DCHS2: variants seen among roughly 807,000 people sequenced by gnomAD.
The protein encoded by DCHS2 is protocadherin-23.
Under a neutral mutation model 182.4 loss-of-function variants are expected in DCHS2, and 142 were observed. That is an observed-to-expected ratio of 0.78 (90% CI 0.68 to 0.89). The LOEUF is 0.89. DCHS2 is among the 40% of genes least tolerant of loss of function. The pLI is 0.00. For missense variants in DCHS2, 4,319 were observed against 4,198.6 expected, an observed-to-expected ratio of 1.03 and a Z score of -0.79; for synonymous variants, 1,740 against 1,663.3, an observed-to-expected ratio of 1.05 and a Z score of -1.12.
At chr4:154,337,618 A>G (rs1196595107) in intron 3 of DCHS2, among the ~76,000 whole-genome samples, 1 of 152,176 alleles carries the variant, frequency 6.6e-6, no homozygotes, top group African/African-American at 2.4e-5. Flanking sequence ...CTCTAGGCAA[A>G]GTGAACAGCT....
chr4:154,264,934 T>C (rs181616448), intron 14 of DCHS2, among the ~76,000 whole-genome samples: 68 of 152,282 alleles, frequency 4.5e-4, no homozygotes, highest in Non-Finnish European at 7.8e-4. Context: ...TAAATTGATA[T>C]AGGAGCACTT....
At chr4:154,242,611 C>A in intron 17 of DCHS2, 31 bp downstream of exon 17, 3 of 1,600,694 alleles carry the variant, frequency 1.9e-6, no homozygotes, top group Non-Finnish European at 2.6e-6. Flanking sequence ...ACAAGTTAAT[C>A]AAAACCACTA....
intron 1 of DCHS2, among the ~76,000 whole-genome samples, chr4:154,437,302 C>T (rs931920259): frequency 2.0e-5 from 3 of 152,136 alleles, no homozygotes; most frequent in Admixed American, 6.5e-5. Context: ...CATCAATAAA[C>T]GTCCAAAACT....
intron 1 of DCHS2, among the ~76,000 whole-genome samples, chr4:154,482,029 C>CTTTCAATGAAA (rs1735940978): frequency 1.3e-5 from 2 of 152,136 alleles, no homozygotes; most frequent in Non-Finnish European, 2.9e-5. Context: ...AGGTAACAGC[C>CTTTCAATGAAA]TGGGCTGTTT....
chr4:154,234,760 C>T lies in DCHS2; in HGVS notation c.9892G>A (p.Ala3298Thr). The change falls in exon 20 of 20, where the codon GCA (alanine) becomes ACA (threonine). Residue 3298 changes from alanine to threonine, a missense_variant. By Grantham distance (58) the Ala-to-Thr change is moderately conservative. Transcript: ENST00000357232. ...GIKAVPPRMP[A>T]VNLGQVPPKH... The stretch of plus-strand genomic sequence containing the variant: ...GGAGGCACCTGCCCCAGGTTTACTG[C>T]CGGCATTCTTGGTGGGACTGCTTTA... The T allele has an allele frequency of 6.2e-7, 1 of 1,613,866 alleles. No individual in the cohort carries two copies. The highest frequency in any genetic ancestry group is 1.3e-5 in the African/African-American group (1 of 74,994).
At chr4:154,477,594 G>T (rs897855183) in intron 1 of DCHS2, among the ~76,000 whole-genome samples, 2 of 152,168 alleles carry the variant, frequency 1.3e-5, no homozygotes, top group African/African-American at 2.4e-5. Flanking sequence ...AATCAGATTT[G>T]TGTTATAGAT....
At position 154,259,554 on chromosome 4, in the gene DCHS2, A is replaced by G. The variant is rs543695883; in HGVS notation, c.6780T>C (p.His2260=). 1 of 1,613,838 alleles carries G rather than the reference A, an allele frequency of 6.2e-7. No homozygotes were observed. The highest frequency in any genetic ancestry group is 1.3e-5 in the African/African-American group (1 of 75,006). Residue 2260 remains histidine, a synonymous_variant, in exon 15 of 20, where the codon CAT becomes CAC. Transcript: ENST00000357232. ...AATATATTTCTGTTACCTGTATGACATGAGCATTGTAGAGTTGGCTTTCAG... is the reference window on the plus strand; with the variant it reads ...AATATATTTCTGTTACCTGTATGACGTGAGCATTGTAGAGTTGGCTTTCAG... ...SVSESQLYNA[H]VIQVFATDLD...
intron 1 of DCHS2, among the ~76,000 whole-genome samples, chr4:154,427,071 C>T (rs1733361102): frequency 6.6e-6 from 1 of 152,112 alleles, no homozygotes; most frequent in Admixed American, 6.6e-5. Flanking sequence ...GATGGATAGG[C>T]TAAACACTGT....
At chr4:154,427,517 G>T (rs1197444948) in intron 1 of DCHS2, among the ~76,000 whole-genome samples, 2 of 152,170 alleles carry the variant, frequency 1.3e-5, no homozygotes, top group African/African-American at 4.8e-5. Context: ...AACCTATTCT[G>T]GTTCTGAGGG....
chr4:154,453,117 C>G (rs1387470825), intron 1 of DCHS2, among the ~76,000 whole-genome samples: 5 of 152,000 alleles, frequency 3.3e-5, no homozygotes, highest in Admixed American at 3.3e-4. Context: ...TTGAGACCAT[C>G]CCGTGCATGC....
At chr4:154,312,577 A>G (rs1211620901) in intron 10 of DCHS2, among the ~76,000 whole-genome samples, 1 of 152,184 alleles carries the variant, frequency 6.6e-6, no homozygotes, top group Non-Finnish European at 1.5e-5. Context: ...ATAAATAAAA[A>G]TAAAGGATCA....
intron 1 of DCHS2, among the ~76,000 whole-genome samples, chr4:154,453,355 G>A (rs543135879): frequency 1.3e-5 from 2 of 151,118 alleles, no homozygotes; most frequent in Non-Finnish European, 2.9e-5. Flanking sequence ...GGCAAAGATA[G>A]AGAGAGCTCA....
intron 3 of DCHS2, among the ~76,000 whole-genome samples, chr4:154,356,870 T>A (rs1729895917): frequency 6.6e-6 from 1 of 152,162 alleles, no homozygotes; most frequent in Non-Finnish European, 1.5e-5. Flanking sequence ...AAATTAAATA[T>A]AAAGGACCAC....
At chr4:154,484,962 G>C (rs1259871320) in intron 1 of DCHS2, among the ~76,000 whole-genome samples, 2 of 152,152 alleles carry the variant, frequency 1.3e-5, no homozygotes. Context: ...ATCCATGACA[G>C]GTTGTAAATA....
intron 3 of DCHS2, among the ~76,000 whole-genome samples, chr4:154,365,043 G>C (rs780590974): frequency 1.3e-5 from 2 of 150,962 alleles, no homozygotes; most frequent in Non-Finnish European, 2.9e-5. Flanking sequence ...CCAATATTTT[G>C]TTAGCAACAA....
chr4:154,472,882 T>C (rs2111021549), intron 1 of DCHS2, among the ~76,000 whole-genome samples: 1 of 152,200 alleles, frequency 6.6e-6, no homozygotes, highest in South Asian at 2.1e-4. Flanking sequence ...AGAATAACAT[T>C]TCAGTTAGAA....
intron 3 of DCHS2, 27 bp from the exon 4 acceptor site, chr4:154,335,131 A>G (rs746423000): frequency 1.5e-5 from 21 of 1,394,912 alleles, no homozygotes; most frequent in Non-Finnish European, 1.7e-5. Flanking sequence ...AAACATTGGT[A>G]AACAGATAAC....
At chr4:154,380,870 A>T (rs2110817596) in intron 1 of DCHS2, among the ~76,000 whole-genome samples, 1 of 152,256 alleles carries the variant, frequency 6.6e-6, no homozygotes, top group African/African-American at 2.4e-5. Context: ...AATTAATTTG[A>T]CATCTTTCTA....
At chr4:154,294,079 C>T (rs1734803526) in intron 13 of DCHS2, among the ~76,000 whole-genome samples, 1 of 152,238 alleles carries the variant, frequency 6.6e-6, no homozygotes, top group South Asian at 2.1e-4. Flanking sequence ...AGCAAATATC[C>T]TCTAGCTCTG....
Sources: allele counts gnomAD v4.1 joint callset (sites outside exome capture counted in the v4.1 genomes callset), GRCh38; gene constraint gnomAD v4.1.1; transcripts MANE v1.5; gene names NCBI Gene and HGNC (gene_info 2026-07-23, HGNC 2026-07-21).